The following FANCD2 variants were observed in gnomAD, a reference collection of about 807,000 sequenced individuals.
FANCD2 encodes FA complementation group D2.
Under a neutral mutation model 192.3 loss-of-function variants are expected in FANCD2, and 131 were observed. The ratio of observed to expected loss-of-function variants is 0.68; its 90% CI spans 0.59 to 0.79. FANCD2 has a LOEUF of 0.79. Among genes scored for constraint, FANCD2 ranks in the 30% least tolerant of loss-of-function variants. FANCD2 has a pLI of 0.00. For synonymous variants in FANCD2, 524 were observed against 612.5 expected (o/e 0.86, Z 2.13); for missense variants, 1,508 against 1,701.6 (o/e 0.89, Z 2.00).
At chr3:10,079,912 C>T (rs1031748192) in intron 30 of FANCD2, among the ~76,000 whole-genome samples, 1 of 151,434 alleles carries the variant, frequency 6.6e-6, no homozygotes, top group Non-Finnish European at 1.5e-5. Context: ...CATTTTTCTT[C>T]TTCGTCTTCT....
chr3:10,089,537 T>C (rs1391344323), intron 36 of FANCD2, among the ~76,000 whole-genome samples: 2 of 152,020 alleles, frequency 1.3e-5, no homozygotes, highest in African/African-American at 4.8e-5. Flanking sequence ...TGGCGTAATC[T>C]CAGCTCACTG....
In FANCD2 at chr3:10,048,066, T is replaced by C. The variant is rs1422116865; in HGVS notation, c.1413+15T>C. The C allele has an allele frequency of 6.2e-7, 1 of 1,614,216 alleles. No individual in the cohort carries two copies. Among genetic ancestry groups the C allele is most frequent in the Non-Finnish European group, 8.5e-7 (1 of 1,180,046 alleles). On this transcript the variant is annotated intron_variant, in intron 16 of 43. Transcript: ENST00000675286. Reference sequence around the variant, plus strand: ...ACTGCCAGCAGGTATGTTGAAACATTTATTTTGGCAAGGAGGGAACACAGA... The same window carrying C: ...ACTGCCAGCAGGTATGTTGAAACATCTATTTTGGCAAGGAGGGAACACAGA...
At chr3:10,053,838 T>G (rs1268906856) in intron 18 of FANCD2, among the ~76,000 whole-genome samples, 1 of 152,186 alleles carries the variant, frequency 6.6e-6, no homozygotes, top group African/African-American at 2.4e-5. Flanking sequence ...GTTCAGTTTC[T>G]GAGTGCAGTG....
chr3:10,039,507 A>G (rs1252546783), intron 8 of FANCD2, 150 bp downstream of exon 8: 3 of 896,922 alleles, frequency 3.3e-6, no homozygotes, highest in Admixed American at 2.6e-5. Context: ...AGAATCATAG[A>G]TACTTCACCC....
chr3:10,061,844 A>G (rs1340295655), intron 19 of FANCD2, among the ~76,000 whole-genome samples: 2 of 152,108 alleles, frequency 1.3e-5, no homozygotes, highest in Non-Finnish European at 2.9e-5. Context: ...GTTACAAAAT[A>G]TTACAAAAGT....
chr3:10,074,836 T>A (rs1483580513), intron 29 of FANCD2, among the ~76,000 whole-genome samples, 163 bp downstream of exon 29: 1 of 152,218 alleles, frequency 6.6e-6, no homozygotes, highest in Non-Finnish European at 1.5e-5. Context: ...CTCATACTGG[T>A]GTTTGTAAGT....
intron 3 of FANCD2, among the ~76,000 whole-genome samples, chr3:10,033,452 C>T (rs1260713225): frequency 6.6e-6 from 1 of 151,990 alleles, no homozygotes; most frequent in Non-Finnish European, 1.5e-5. Flanking sequence ...GTCCTCATTA[C>T]TATGTCTTAA....
At chr3:10,076,448 C>G (rs548688468) in intron 29 of FANCD2, among the ~76,000 whole-genome samples, 8 of 152,234 alleles carry the variant, frequency 5.3e-5, no homozygotes, top group South Asian at 2.1e-4. Context: ...TATTATTTTA[C>G]TATTCTGAAT....
intron 17 of FANCD2, among the ~76,000 whole-genome samples, chr3:10,052,034 G>A (rs1418922815): frequency 2.0e-5 from 3 of 152,198 alleles, no homozygotes; most frequent in East Asian, 1.9e-4. Flanking sequence ...AAAGAATACC[G>A]AGAACTGGGA....
chr3:10,101,145 G>T, intron 43 of FANCD2, 43 bp from the exon 44 acceptor site: 1 of 1,420,570 alleles, frequency 7.0e-7, no homozygotes, highest in South Asian at 1.1e-5. Flanking sequence ...GTCACCCAGA[G>T]CAGTAACCTA....
intron 14 of FANCD2, 59 bp from the exon 15 acceptor site, chr3:10,046,521 G>A: frequency 3.1e-6 from 5 of 1,605,046 alleles, no homozygotes; most frequent in Non-Finnish European, 4.3e-6. Context: ...CTGTTTCATT[G>A]TAGCAAATGT....
intron 32 of FANCD2, 21 bp from the exon 33 acceptor site, chr3:10,085,791 C>G (rs2125069206): frequency 6.5e-7 from 1 of 1,530,968 alleles, no homozygotes; most frequent in East Asian, 2.2e-5. Context: ...AAGCTAACCC[C>G]TCTTACCTTG....
At chr3:10,074,745 A>C (rs1034099938) in intron 29 of FANCD2, 72 bp downstream of exon 29, 1 of 1,434,720 alleles carries the variant, frequency 7.0e-7, no homozygotes, top group Non-Finnish European at 9.8e-7. Context: ...CTTATTTCAC[A>C]AAGAACACTG....
chr3:10,077,485 G>A (rs749930493), intron 29 of FANCD2, among the ~76,000 whole-genome samples: 44 of 151,988 alleles, frequency 2.9e-4, no homozygotes, highest in Non-Finnish European at 5.4e-4. Flanking sequence ...AACCTGGGAC[G>A]CAGAGGTTGT....
rs10212541 is a variant in FANCD2 at position 10,032,569 on chromosome 3, T to A, written c.65-263T>A. The A allele has an allele frequency of 0.19, 71,702 of 386,584 alleles. 8,494 individuals are homozygous for A. Among genetic ancestry groups the A allele is most frequent in the African/African-American group, 0.42 (19,749 of 47,398 alleles). The allele number at this position is 386,584 out of a possible 1,614,324, so 23.9% of individuals were successfully genotyped here. On this transcript the variant is annotated intron_variant, in intron 2 of 43. Coordinates refer to ENST00000675286, the MANE Select transcript of FANCD2 (RefSeq NM_001018115.3). ...TGATCCTCCTGCCTTGGCCTCCTAATTTGCTGGGATTACCACATGAGCCAC... is the reference window on the plus strand; with the variant it reads ...TGATCCTCCTGCCTTGGCCTCCTAAATTGCTGGGATTACCACATGAGCCAC...
chr3:10,084,547 G>A (rs919092359), intron 32 of FANCD2, among the ~76,000 whole-genome samples: 13 of 150,776 alleles, frequency 8.6e-5, no homozygotes, highest in South Asian at 4.2e-4. Context: ...TGATCCACCC[G>A]CCTCAGCCTC....
intron 14 of FANCD2, 91 bp downstream of exon 14, chr3:10,043,955 C>G (rs1005897006): frequency 2.8e-6 from 3 of 1,080,690 alleles, no homozygotes; most frequent in African/African-American, 3.1e-5. Flanking sequence ...TCTTTCTCCC[C>G]CCTCCAGTCA....
At chr3:10,041,746 C>G in intron 10 of FANCD2, 36 bp downstream of exon 10, 4 of 1,426,854 alleles carry the variant, frequency 2.8e-6, no homozygotes, top group Non-Finnish European at 4.0e-6. Flanking sequence ...ACAGAGCCAG[C>G]TTTCCAACCT....
intron 2 of FANCD2, among the ~76,000 whole-genome samples, chr3:10,030,801 G>A (rs2086573078): frequency 6.6e-6 from 1 of 152,152 alleles, no homozygotes; most frequent in Admixed American, 6.5e-5. Flanking sequence ...TCGGGAGGCT[G>A]AGGCAGGGGA....
Sources: gnomAD v4.1 joint callset for allele counts (sites outside exome capture counted in the v4.1 genomes callset) on GRCh38, gnomAD v4.1.1 for gene constraint, MANE v1.5 for transcripts, NCBI Gene and HGNC (gene_info 2026-07-23, HGNC 2026-07-21) for gene names.